Variants in WDR25 observed in about 807,000 individuals in gnomAD.
The protein encoded by WDR25 is WD repeat-containing protein 25.
WDR25 carries 35 observed loss-of-function variants against 47.7 expected under a neutral mutation model. The ratio of observed to expected loss-of-function variants is 0.73; its 90% CI spans 0.56 to 0.97. The LOEUF (loss-of-function observed/expected upper bound fraction) is 0.97, where lower values mean the gene tolerates loss of function less well. WDR25 is among the 50% of genes least tolerant of loss of function. The pLI is 0.00. For synonymous variants in WDR25, 248 were observed against 278.9 expected, an observed-to-expected ratio of 0.89 and a Z score of 1.10; for missense variants, 634 against 704.7, an observed-to-expected ratio of 0.90 and a Z score of 1.14.
chr14:100,447,708 A>G (rs1247863051), intron 2 of WDR25, among the ~76,000 whole-genome samples: 1 of 152,202 alleles, frequency 6.6e-6, no homozygotes, highest in Non-Finnish European at 1.5e-5. Context: ...TGATTTTCAA[A>G]AACCATTTGC....
chr14:100,514,585 A>G (rs1030840051), intron 4 of WDR25, among the ~76,000 whole-genome samples: 2 of 151,950 alleles, frequency 1.3e-5, no homozygotes, highest in African/African-American at 4.8e-5. Context: ...TTTAAGTCAC[A>G]TTATATCTCT....
chr14:100,431,259 A>G (rs1365293566), intron 2 of WDR25, among the ~76,000 whole-genome samples: 3 of 152,334 alleles, frequency 2.0e-5, no homozygotes, highest in African/African-American at 7.2e-5. Context: ...AGACTTAATT[A>G]TATTTTCTAA....
chr14:100,383,528 G>A (rs186969478), intron 2 of WDR25, among the ~76,000 whole-genome samples: 4 of 152,334 alleles, frequency 2.6e-5, no homozygotes, highest in Non-Finnish European at 5.9e-5. Context: ...TTACCTGCCC[G>A]CTCACCTCTG....
chr14:100,467,880 A>T, intron 2 of WDR25, 141 bp from the exon 3 acceptor site: 1 of 1,151,668 alleles, frequency 8.7e-7, no homozygotes, highest in Non-Finnish European at 1.2e-6. Flanking sequence ...TGAAAAGTTT[A>T]ACATCTAGAT....
intron 2 of WDR25, among the ~76,000 whole-genome samples, chr14:100,466,745 C>G (rs1248937668): frequency 6.6e-6 from 1 of 152,234 alleles, no homozygotes; most frequent in Non-Finnish European, 1.5e-5. Context: ...AAGTGCTCCT[C>G]TGCTTCTCGG....
chr14:100,398,322 G>A (rs190553882), intron 2 of WDR25, among the ~76,000 whole-genome samples: 3 of 152,264 alleles, frequency 2.0e-5, no homozygotes, highest in Non-Finnish European at 2.9e-5. Context: ...ATTTACTTTT[G>A]CTGCAGGAGT....
chr14:100,478,077 C>G (rs572804920), intron 3 of WDR25, among the ~76,000 whole-genome samples: 1 of 151,240 alleles, frequency 6.6e-6, no homozygotes, highest in East Asian at 2.0e-4. Context: ...GGCGACAGAG[C>G]GAGACTCTGT....
chr14:100,389,849 GC>G lies in WDR25; in HGVS notation c.822+8110del, dbSNP rs568265703. Among the ~76,000 whole-genome samples, 14 of 152,234 alleles carry G rather than the reference GC, an allele frequency of 9.2e-5. 1 individual carries two copies. In the East Asian group the frequency reaches 1.5e-3, roughly 17 times the overall value. On this transcript the variant is annotated intron_variant, in intron 2 of 6. Coordinates refer to ENST00000402312, the MANE Select transcript of WDR25 (RefSeq NM_001161476.3). ...CAGGATTGGGGCACTGGGGAGCTCG[GC>G]CCCCCCATAGAACGAGGGCCATACA...
At chr14:100,382,225 C>T in intron 2 of WDR25, 1 of 702,130 alleles carries the variant, frequency 1.4e-6, no homozygotes, top group South Asian at 1.5e-5. Flanking sequence ...ACAGACTCAA[C>T]CCTGAGCTGT....
At chr14:100,483,972 C>A (rs1900293543) in intron 3 of WDR25, 22 bp from the exon 4 acceptor site, 2 of 1,600,190 alleles carry the variant, frequency 1.2e-6, no homozygotes, top group African/African-American at 2.7e-5. Flanking sequence ...TTCTAACCCT[C>A]TCTTCTCTTT....
rs954593129 is a variant in WDR25, at chr14:100,424,661, G to C, written c.822+42915G>C. Among the ~76,000 whole-genome samples, 2 of 152,168 alleles carry C rather than the reference G, an allele frequency of 1.3e-5. No homozygotes were observed. The highest frequency in any genetic ancestry group is 4.8e-5 in the African/African-American group (2 of 41,436). ...TGGGGATGTAGAGCCCAGGTTCTGGGACCAGCCCTTCCTGCCCTGGTGTCT... is the reference window on the plus strand; with the variant it reads ...TGGGGATGTAGAGCCCAGGTTCTGGCACCAGCCCTTCCTGCCCTGGTGTCT... On this transcript the variant is annotated intron_variant, in intron 2 of 6. Coordinates refer to ENST00000402312, the MANE Select transcript of WDR25 (RefSeq NM_001161476.3). The surrounding 1 kb of genome is among the most constrained non-coding windows in gnomAD (Gnocchi z 4.2).
intron 4 of WDR25, among the ~76,000 whole-genome samples, chr14:100,517,106 GTTTT>G (rs796096587): frequency 1.5e-5 from 1 of 65,878 alleles, no homozygotes; most frequent in Non-Finnish European, 2.8e-5. Context: ...TATCTCCTCT[GTTTT>G]TTTTTTTTTT....
intron 2 of WDR25, among the ~76,000 whole-genome samples, chr14:100,416,352 A>C (rs936795791): frequency 6.6e-6 from 1 of 152,230 alleles, no homozygotes; most frequent in South Asian, 2.1e-4. Context: ...TCTGATTGTC[A>C]TTCCTTGATG....
intron 4 of WDR25, among the ~76,000 whole-genome samples, chr14:100,486,096 G>T (rs1289253925): frequency 6.7e-6 from 1 of 150,270 alleles, no homozygotes; most frequent in Non-Finnish European, 1.5e-5. Flanking sequence ...CTAAATACAT[G>T]ACAAGTGAAA....
At chr14:100,490,998 G>A (rs73351012) in intron 4 of WDR25, among the ~76,000 whole-genome samples, 3,716 of 152,338 alleles carry the variant, frequency 0.024, 129 homozygotes, top group African/African-American at 0.085. Flanking sequence ...CAAAGATGTA[G>A]GACCCGAGGC....
At chr14:100,388,884 CTCTGTCCTCG>C (rs1299939306) in intron 2 of WDR25, among the ~76,000 whole-genome samples, 2 of 152,234 alleles carry the variant, frequency 1.3e-5, no homozygotes, top group Non-Finnish European at 2.9e-5. Context: ...AAGGTGCAGC[CTCTGTCCTCG>C]AGAAGCAAGC....
intron 4 of WDR25, among the ~76,000 whole-genome samples, chr14:100,496,006 GTAATCTTT>G (rs1226159217): frequency 2.6e-5 from 4 of 152,206 alleles, no homozygotes; most frequent in Non-Finnish European, 5.9e-5. Flanking sequence ...GTTTTTATGT[GTAATCTTT>G]TGAGAAACTG....
chr14:100,394,628 G>A (rs754544441), intron 2 of WDR25, among the ~76,000 whole-genome samples: 4 of 152,198 alleles, frequency 2.6e-5, no homozygotes, highest in South Asian at 2.1e-4. Flanking sequence ...GACTTGAGAG[G>A]GATGATGAGA....
At position 100,466,689 on chromosome 14, in the gene WDR25, G is replaced by A. The variant is rs969460827; in HGVS notation, c.823-1332G>A. Among the ~76,000 whole-genome samples the A allele has an allele frequency of 3.9e-5, 6 of 152,334 alleles. No individual in the cohort carries two copies. The East Asian group carries it at 9.6e-4, about 24-fold the overall frequency. Reference sequence around the variant, plus strand: ...CAAGGCCCGAGGCCTGCCAGCAGCCGTATCAGGTGGGAGGCACTCCGTTCT... The same window carrying A: ...CAAGGCCCGAGGCCTGCCAGCAGCCATATCAGGTGGGAGGCACTCCGTTCT... On this transcript the variant is annotated intron_variant, in intron 2 of 6. Coordinates refer to ENST00000402312, the MANE Select transcript of WDR25 (RefSeq NM_001161476.3).
Sources: gnomAD v4.1 joint callset for allele counts (sites outside exome capture counted in the v4.1 genomes callset) on GRCh38, gnomAD v4.1.1 for gene constraint, Gnocchi (gnomAD v3.1) non-coding constraint, MANE v1.5 for transcripts, NCBI Gene and HGNC (gene_info 2026-07-23, HGNC 2026-07-21) for gene names.